Variants in ST6GALNAC5 observed in about 807,000 individuals in gnomAD.
ST6GALNAC5 encodes the protein ST6 N-acetylgalactosaminide alpha-2,6-sialyltransferase 5.
Under a neutral mutation model 33.6 loss-of-function variants are expected in ST6GALNAC5, and 27 were observed. The observed-to-expected ratio is 0.80, with a 90% CI of 0.59 to 1.11. The LOEUF (loss-of-function observed/expected upper bound fraction) is 1.11. ST6GALNAC5 is among the 50% of genes least tolerant of loss of function. The pLI is 0.00. For missense variants in ST6GALNAC5, 428 were observed against 454.0 expected (o/e 0.94, Z 0.52); for synonymous variants, 194 against 171.2 (o/e 1.13, Z -1.04).
intron 2 of ST6GALNAC5, among the ~76,000 whole-genome samples, chr1:77,010,883 A>T (rs1166010210): frequency 6.6e-6 from 1 of 152,234 alleles, no homozygotes; most frequent in South Asian, 2.1e-4. Flanking sequence ...CCTGAAAATG[A>T]TATTTGAAAG....
chr1:76,934,765 G>T (rs994693977), intron 2 of ST6GALNAC5, among the ~76,000 whole-genome samples: 1 of 151,996 alleles, frequency 6.6e-6, no homozygotes, highest in Non-Finnish European at 1.5e-5. Flanking sequence ...GCCTTTGCTA[G>T]TCAGTGCTTC....
chr1:76,941,396 T>A (rs549607529), intron 2 of ST6GALNAC5, among the ~76,000 whole-genome samples: 107 of 151,954 alleles, frequency 7.0e-4, no homozygotes, highest in African/African-American at 2.6e-3. Flanking sequence ...ATCCATAGAG[T>A]TTTGCTTGAA....
At chr1:76,910,880 CA>C (rs371393839) in intron 2 of ST6GALNAC5, among the ~76,000 whole-genome samples, 2,425 of 135,136 alleles carry the variant, frequency 0.018, 26 homozygotes, top group African/African-American at 0.033. Flanking sequence ...GTGGTCAAGG[CA>C]AAAAAAAAAA....
intron 2 of ST6GALNAC5, among the ~76,000 whole-genome samples, chr1:77,024,463 T>C (rs1268279873): frequency 6.6e-6 from 1 of 152,162 alleles, no homozygotes; most frequent in African/African-American, 2.4e-5. Context: ...ACTTATAAGA[T>C]GCGTGGAAGG....
At chr1:76,994,290 G>A (rs185560788) in intron 2 of ST6GALNAC5, among the ~76,000 whole-genome samples, 15 of 152,072 alleles carry the variant, frequency 9.9e-5, no homozygotes, top group African/African-American at 2.7e-4. Flanking sequence ...TTTAAAATGC[G>A]GTATAACAAC....
In ST6GALNAC5 at chr1:77,067,224, A is replaced by C. The variant is rs1461982773; in HGVS notation, c.*4018A>C. Among the ~76,000 whole-genome samples, 1 of 152,202 alleles carries C rather than the reference A, an allele frequency of 6.6e-6. No homozygotes were observed. Among genetic ancestry groups the C allele is most frequent in the Non-Finnish European group, 1.5e-5 (1 of 68,032 alleles). On this transcript the variant is annotated 3_prime_UTR_variant, in exon 5 of 5. Transcript: ENST00000477717. The stretch of plus-strand genomic sequence containing the variant: ...CATGCCAGAAGGTACTTTGGAATGG[A>C]AAGAGGTGAGAGTGTCTCAAGGTTT...
intron 2 of ST6GALNAC5, among the ~76,000 whole-genome samples, chr1:76,905,477 G>A (rs986704372): frequency 1.3e-5 from 2 of 152,158 alleles, no homozygotes; most frequent in Non-Finnish European, 2.9e-5. Context: ...GTGCAAATGG[G>A]AAGGGAACAG....
intron 2 of ST6GALNAC5, among the ~76,000 whole-genome samples, chr1:76,998,103 C>T (rs1933396): frequency 0.81 from 123,542 of 152,168 alleles, 50,622 homozygotes; most frequent in East Asian, 0.93. Context: ...TGCGGAACTA[C>T]GAGTCAATTA....
intron 2 of ST6GALNAC5, among the ~76,000 whole-genome samples, chr1:77,029,003 GAT>G (rs1651350807): frequency 6.6e-6 from 1 of 152,162 alleles, no homozygotes; most frequent in Non-Finnish European, 1.5e-5. Context: ...GTTACATTTG[GAT>G]ACGTGGGTGG....
At chr1:77,035,951 T>C (rs1008303967) in intron 2 of ST6GALNAC5, among the ~76,000 whole-genome samples, 2 of 152,228 alleles carry the variant, frequency 1.3e-5, no homozygotes, top group Non-Finnish European at 2.9e-5. Context: ...TAAAAATTTG[T>C]ATGTGAATGT....
intron 2 of ST6GALNAC5, among the ~76,000 whole-genome samples, chr1:76,881,074 CTT>C (rs1653767983): frequency 6.6e-6 from 1 of 152,172 alleles, no homozygotes; most frequent in African/African-American, 2.4e-5. Context: ...ACTATATACT[CTT>C]TGGACAGCTG....
chr1:76,956,589 C>T (rs1381985254), intron 2 of ST6GALNAC5, among the ~76,000 whole-genome samples: 1 of 152,134 alleles, frequency 6.6e-6, no homozygotes, highest in Non-Finnish European at 1.5e-5. Flanking sequence ...CACTCATGGC[C>T]CAATATTTAC....
intron 2 of ST6GALNAC5, among the ~76,000 whole-genome samples, chr1:77,011,660 A>G (rs1027555322): frequency 2.0e-5 from 3 of 152,092 alleles, no homozygotes; most frequent in Non-Finnish European, 4.4e-5. Flanking sequence ...TTGTATATGT[A>G]GTATGTAGTA....
At chr1:77,029,932 T>C (rs1335972911) in intron 2 of ST6GALNAC5, among the ~76,000 whole-genome samples, 2 of 152,226 alleles carry the variant, frequency 1.3e-5, no homozygotes, top group East Asian at 1.9e-4. Context: ...GGATCACCAT[T>C]ATGAATGTCA....
At chr1:77,038,149 C>G (rs543288980) in intron 2 of ST6GALNAC5, among the ~76,000 whole-genome samples, 1 of 152,286 alleles carries the variant, frequency 6.6e-6, no homozygotes, top group South Asian at 2.1e-4. Context: ...TTTCTTGCAT[C>G]CTTGGCCAGC....
rs1329109893 is a variant in ST6GALNAC5 at position 76,906,520 on chromosome 1, T to C, written c.261+37778T>C. Among the ~76,000 whole-genome samples, 6 of 152,336 alleles carry C rather than the reference T, an allele frequency of 3.9e-5. No homozygotes were observed. In the East Asian group the frequency reaches 1.2e-3, roughly 29 times the overall value. On this transcript the variant is annotated intron_variant, in intron 2 of 4. Transcript: ENST00000477717. ...TGTATAAGATGGAAAAGAGAATTAATGCCTCTTAAAGTGTTTAATTTTAGA... is the reference window on the plus strand; with the variant it reads ...TGTATAAGATGGAAAAGAGAATTAACGCCTCTTAAAGTGTTTAATTTTAGA...
chr1:77,005,466 G>A (rs551468835), intron 2 of ST6GALNAC5, among the ~76,000 whole-genome samples: 2 of 152,342 alleles, frequency 1.3e-5, no homozygotes, highest in African/African-American at 4.8e-5. Context: ...CGCTCACGCT[G>A]GGAGCTGTAG....
At chr1:76,911,006 A>G (rs1053542802) in intron 2 of ST6GALNAC5, among the ~76,000 whole-genome samples, 1 of 152,098 alleles carries the variant, frequency 6.6e-6, no homozygotes, top group Non-Finnish European at 1.5e-5. Context: ...AAGTCCATTG[A>G]TCTACATTCA....
intron 2 of ST6GALNAC5, among the ~76,000 whole-genome samples, chr1:76,975,902 C>T (rs1648990443): frequency 6.6e-6 from 1 of 152,032 alleles, no homozygotes; most frequent in East Asian, 1.9e-4. Flanking sequence ...CCAGACCAGC[C>T]TGGGCAACAT....
Sources: gnomAD v4.1 joint callset for allele counts (sites outside exome capture counted in the v4.1 genomes callset) on GRCh38, gnomAD v4.1.1 for gene constraint, MANE v1.5 for transcripts, NCBI Gene and HGNC (gene_info 2026-07-23, HGNC 2026-07-21) for gene names.